CFAP57: variants seen among roughly 807,000 people sequenced by gnomAD.
CFAP57 encodes cilia- and flagella-associated protein 57.
In CFAP57, 116 loss-of-function variants were observed where a neutral mutation model predicts 146.8. The observed-to-expected ratio is 0.79, with a 90% CI of 0.68 to 0.92. CFAP57 has a LOEUF of 0.92. Ranked by LOEUF, CFAP57 falls within the 40% of genes least tolerant of loss-of-function variation. CFAP57 has a pLI of 0.00. For synonymous variants in CFAP57, 518 were observed against 552.8 expected (o/e 0.94, Z 0.88); for missense variants, 1,377 against 1,527.2 (o/e 0.90, Z 1.64).
At position 43,185,365 on chromosome 1, in the gene CFAP57, G is replaced by C. The variant is rs1203762829; in HGVS notation, c.969+9G>C. ...AGAGCAGAGAAATCAGGGTAAGGCG[G>C]GAAGAAAAAAAAGAAGTAAAATGGG... On this transcript the variant is annotated intron_variant, in intron 5 of 22. Coordinates refer to ENST00000372492, the MANE Select transcript of CFAP57 (RefSeq NM_001378189.1). The C allele has an allele frequency of 1.9e-6, 3 of 1,613,326 alleles. No individual in the cohort carries two copies. The highest frequency in any genetic ancestry group is 2.5e-6 in the Non-Finnish European group (3 of 1,179,592).
intron 22 of CFAP57, among the ~76,000 whole-genome samples, chr1:43,248,138 CAA>C (rs35277187): frequency 0.046 from 2,517 of 54,866 alleles, 48 homozygotes; most frequent in African/African-American, 0.17. Flanking sequence ...GACTCTGTCT[CAA>C]AAAAAAAAAA....
chr1:43,245,280 T>A (rs927041464), intron 22 of CFAP57, among the ~76,000 whole-genome samples: 17 of 149,162 alleles, frequency 1.1e-4, no homozygotes, highest in Non-Finnish European at 2.1e-4. Flanking sequence ...TGAGCCATGA[T>A]CACGCCACTA....
Position 43,215,240 on chromosome 1 carries a change from C to A in CFAP57, c.1930-15C>A, listed in dbSNP as rs572134706. 8 of 1,550,816 alleles carry A rather than the reference C, an allele frequency of 5.2e-6. No individual in the cohort carries two copies. In the Admixed American group the frequency reaches 5.9e-5, roughly 11 times the overall value. On this transcript the variant is annotated splice_polypyrimidine_tract_variant and intron_variant, in intron 11 of 22. Coordinates refer to ENST00000372492, the MANE Select transcript of CFAP57 (RefSeq NM_001378189.1). ...GCCTTGAAAGCTTCCTGGCCATGAC[C>A]CTTTTTCTCTTCAGATGTTGCTTAC...
intron 12 of CFAP57, among the ~76,000 whole-genome samples, chr1:43,218,906 C>T (rs896534605): frequency 1.3e-5 from 2 of 152,172 alleles, no homozygotes; most frequent in African/African-American, 4.8e-5. Context: ...GATATATCAG[C>T]AAACAAACCC....
At chr1:43,195,957 G>A (rs988366971) in intron 6 of CFAP57, among the ~76,000 whole-genome samples, 1 of 152,132 alleles carries the variant, frequency 6.6e-6, no homozygotes, top group Non-Finnish European at 1.5e-5. Context: ...GATACAAAAT[G>A]AAAACAAAGA....
chr1:43,223,883 G>T (rs1645144306), intron 16 of CFAP57, among the ~76,000 whole-genome samples, 163 bp from the exon 17 acceptor site: 1 of 152,190 alleles, frequency 6.6e-6, no homozygotes, highest in Non-Finnish European at 1.5e-5. Flanking sequence ...CGTCCCAAAT[G>T]CTCCAGATAT....
At chr1:43,232,311 G>T (rs907785314) in intron 18 of CFAP57, 197 bp from the exon 19 acceptor site, 3 of 599,018 alleles carry the variant, frequency 5.0e-6, no homozygotes, top group Non-Finnish European at 9.0e-6. Flanking sequence ...TGCTGGTTTA[G>T]CATATCAGTC....
intron 2 of CFAP57, among the ~76,000 whole-genome samples, chr1:43,178,015 A>G (rs1402707089): frequency 6.6e-6 from 1 of 152,248 alleles, no homozygotes; most frequent in Non-Finnish European, 1.5e-5. Context: ...CAAAAAGATC[A>G]CAGGATATCT....
At chr1:43,192,975 C>T (rs749754480) in intron 6 of CFAP57, among the ~76,000 whole-genome samples, 3 of 152,094 alleles carry the variant, frequency 2.0e-5, no homozygotes, top group Non-Finnish European at 4.4e-5. Context: ...CAATCTTCAA[C>T]TCCTATTGTT....
chr1:43,235,020 C>T (rs559244884), intron 21 of CFAP57, among the ~76,000 whole-genome samples: 42 of 152,292 alleles, frequency 2.8e-4, no homozygotes, highest in Admixed American at 7.2e-4. Flanking sequence ...CATCTTACCT[C>T]TCCTGAGCCA....
At position 43,198,561 on chromosome 1, in the gene CFAP57, G is replaced by C. The variant is rs1454414170; in HGVS notation, c.1343G>C (p.Gly448Ala). The C allele has an allele frequency of 6.2e-7, 1 of 1,613,974 alleles. No individual in the cohort carries two copies. Among genetic ancestry groups the C allele is most frequent in the South Asian group, 1.1e-5 (1 of 91,070 alleles). The change falls in exon 8 of 23, where the codon GGG (glycine) becomes GCG (alanine). Residue 448 changes from glycine (G) to alanine (A), a missense_variant. Gly to Ala is a moderately conservative substitution (Grantham distance 60). Transcript: ENST00000372492. Reference sequence around the variant, plus strand: ...CCATCTGGACACTTCATTGTAGTAGGGTTTGCTGACAAACTACGCCTCATG... The same window carrying C: ...CCATCTGGACACTTCATTGTAGTAGCGTTTGCTGACAAACTACGCCTCATG... ...LHPSGHFIVV[G>A]FADKLRLMNL...
chr1:43,172,739 G>A lies in CFAP57; in HGVS notation c.-15G>A. ...CGCTGCCTTGGTCTTCAGCAGAACTGTTTGGCGGGAGATCATGTCAGCCGT... is the reference window on the plus strand; with the variant it reads ...CGCTGCCTTGGTCTTCAGCAGAACTATTTGGCGGGAGATCATGTCAGCCGT... On this transcript the variant is annotated 5_prime_UTR_variant, in exon 2 of 23. Coordinates refer to ENST00000372492, the MANE Select transcript of CFAP57 (RefSeq NM_001378189.1). The A allele has an allele frequency of 6.2e-7, 1 of 1,613,514 alleles. No homozygotes were observed. Among genetic ancestry groups the A allele is most frequent in the South Asian group, 1.1e-5 (1 of 91,054 alleles).
chr1:43,185,650 T>C (rs1012728422), intron 5 of CFAP57, among the ~76,000 whole-genome samples: 29 of 130,062 alleles, frequency 2.2e-4, no homozygotes, highest in Admixed American at 9.0e-5. Flanking sequence ...TAGACCAGCC[T>C]GGGCAACATG....
chr1:43,195,109 T>G (rs1045950446), intron 6 of CFAP57, among the ~76,000 whole-genome samples: 1 of 152,226 alleles, frequency 6.6e-6, no homozygotes, highest in Non-Finnish European at 1.5e-5. Context: ...GAGTGTAAAC[T>G]GATACAGCCA....
At chr1:43,191,585 T>G (rs1272667547) in intron 6 of CFAP57, among the ~76,000 whole-genome samples, 1 of 80,018 alleles carries the variant, frequency 1.2e-5, no homozygotes, top group Non-Finnish European at 2.1e-5. Flanking sequence ...AGACTCCGTC[T>G]CAAAAAAAAA....
In CFAP57 at chr1:43,210,195, G is replaced by A. The variant is rs1256099546; in HGVS notation, c.1929+279G>A. On this transcript the variant is annotated intron_variant, in intron 11 of 22. Coordinates refer to ENST00000372492, the MANE Select transcript of CFAP57 (RefSeq NM_001378189.1). ...AATAAGGGGCCGTTTGGTGGATGCC[G>A]TAGCTGCCGTGAGTGTGGGCTGCAC... 14 of 1,529,182 alleles carry A rather than the reference G, an allele frequency of 9.2e-6. No individual in the cohort carries two copies. In the Middle Eastern group the frequency reaches 6.6e-4, roughly 72 times the overall value. The allele number at this position is 1,529,182 out of a possible 1,614,324, so 94.7% of individuals were successfully genotyped here.
At chr1:43,197,725 G>A in intron 7 of CFAP57, 33 bp downstream of exon 7, 1 of 1,612,478 alleles carries the variant, frequency 6.2e-7, no homozygotes, top group Non-Finnish European at 8.5e-7. Context: ...ACTTTATTAT[G>A]CAAGACCCCA....
At chr1:43,182,126 A>C (rs1054085288) in intron 3 of CFAP57, among the ~76,000 whole-genome samples, 1 of 152,214 alleles carries the variant, frequency 6.6e-6, no homozygotes, top group African/African-American at 2.4e-5. Flanking sequence ...ACTCTGGCCC[A>C]GAACTGCTTT....
At chr1:43,180,140 T>A (rs12041945) in intron 2 of CFAP57, among the ~76,000 whole-genome samples, 27,963 of 150,016 alleles carry the variant, frequency 0.19, 3,868 homozygotes, top group African/African-American at 0.37. Flanking sequence ...TGGGAGGTGG[T>A]GGTTGTGGTG....
Sources: allele counts gnomAD v4.1 joint callset (sites outside exome capture counted in the v4.1 genomes callset), GRCh38; gene constraint gnomAD v4.1.1; transcripts MANE v1.5; gene names NCBI Gene and HGNC (gene_info 2026-07-23, HGNC 2026-07-21).